The following GFRA2 variants were observed in gnomAD, a reference collection of about 807,000 sequenced individuals.
GFRA2 encodes GDNF family receptor alpha-2.
In GFRA2, 17 loss-of-function variants were observed where a neutral mutation model predicts 48.3. That is an observed-to-expected ratio of 0.35 (90% CI 0.24 to 0.53). GFRA2 has a LOEUF of 0.53. Among genes scored for constraint, GFRA2 ranks in the 20% least tolerant of loss-of-function variants. The pLI is 0.93. For synonymous variants in GFRA2, 305 were observed against 257.2 expected (o/e 1.19, Z -1.78); for missense variants, 660 against 637.3 (o/e 1.04, Z -0.38).
intron 7 of GFRA2, among the ~76,000 whole-genome samples, chr8:21,697,257 AG>A (rs2117329866): frequency 1.9e-5 from 2 of 105,584 alleles, no homozygotes; most frequent in African/African-American, 3.7e-5. Context: ...GAAAGATAGC[AG>A]GAGGGGAGGG....
chr8:21,710,050 G>A (rs1282260529), intron 4 of GFRA2, among the ~76,000 whole-genome samples: 2 of 152,160 alleles, frequency 1.3e-5, no homozygotes, highest in African/African-American at 4.8e-5. Flanking sequence ...CTGGCCAGAG[G>A]GACTCCTCAG....
chr8:21,766,664 G>A (rs1028008225), intron 3 of GFRA2, among the ~76,000 whole-genome samples: 24 of 147,338 alleles, frequency 1.6e-4, no homozygotes, highest in African/African-American at 5.5e-4. Context: ...CCCCTAAGAG[G>A]ATGAACAGGG....
At chr8:21,765,659 C>A (rs899890048) in intron 3 of GFRA2, among the ~76,000 whole-genome samples, 3 of 152,128 alleles carry the variant, frequency 2.0e-5, no homozygotes, top group Non-Finnish European at 4.4e-5. Flanking sequence ...CCCCAGAATT[C>A]CAGGCCTACA....
At chr8:21,708,021 C>G (rs1048180966) in intron 4 of GFRA2, among the ~76,000 whole-genome samples, 3 of 152,346 alleles carry the variant, frequency 2.0e-5, no homozygotes, top group East Asian at 1.9e-4. Context: ...CCCCCAAGAT[C>G]ACAGAGTCAC....
chr8:21,747,756 C>CA (rs1805078485), intron 4 of GFRA2, among the ~76,000 whole-genome samples: 7 of 139,062 alleles, frequency 5.0e-5, no homozygotes, highest in African/African-American at 1.4e-4. Context: ...CCATCTTCCA[C>CA]CACACACACA....
intron 3 of GFRA2, among the ~76,000 whole-genome samples, chr8:21,761,781 C>A (rs1242162807): frequency 6.6e-6 from 1 of 152,062 alleles, no homozygotes; most frequent in Non-Finnish European, 1.5e-5. Context: ...GAAACCCCAT[C>A]TCTACTAAAG....
chr8:21,780,334 T>C (rs199747207), intron 2 of GFRA2, among the ~76,000 whole-genome samples: 2,386 of 152,202 alleles, frequency 0.016, 57 homozygotes, highest in African/African-American at 0.051. Flanking sequence ...AGCCTCAGCT[T>C]ACCCTAAGGC....
At chr8:21,799,837 C>G (rs1807741091) in intron 2 of GFRA2, among the ~76,000 whole-genome samples, 1 of 152,180 alleles carries the variant, frequency 6.6e-6, no homozygotes, top group Non-Finnish European at 1.5e-5. Flanking sequence ...AACAAGAAGC[C>G]TGTGTCCTCT....
In GFRA2 at chr8:21,750,807, G is replaced by A; in HGVS notation, c.575C>T (p.Thr192Ile). The A allele has an allele frequency of 6.2e-7, 1 of 1,614,032 alleles. No homozygotes were observed. Among genetic ancestry groups the A allele is most frequent in the South Asian group, 1.1e-5 (1 of 91,088 alleles). The change falls in exon 4 of 9, where the codon ACC (threonine) becomes ATC (isoleucine). Residue 192 changes from threonine to isoleucine, a missense_variant. Coordinates refer to ENST00000524240, the MANE Select transcript of GFRA2 (RefSeq NM_001495.5). The surrounding 1 kb of genome is among the most constrained non-coding windows in gnomAD (Gnocchi z 5.7). ...ISICNREISP[T>I]ERCNRRKCHK... ...GCACTTGCGGCGGTTGCAGCGCTCG[G>A]TGGGCGAGATCTCGCGGTTGCAGAT...
chr8:21,703,540 C>T (rs527935885), intron 6 of GFRA2, among the ~76,000 whole-genome samples: 2 of 152,334 alleles, frequency 1.3e-5, no homozygotes, highest in Admixed American at 1.3e-4. Flanking sequence ...CCACGAGCCA[C>T]ACACATCTCA....
chr8:21,786,070 A>G (rs894454792), intron 1 of GFRA2, among the ~76,000 whole-genome samples: 103 of 152,296 alleles, frequency 6.8e-4, no homozygotes, highest in African/African-American at 2.4e-3. Context: ...TTCTCGAGGG[A>G]AGGAAACTGA....
chr8:21,797,245 G>A (rs1269027458), intron 2 of GFRA2, among the ~76,000 whole-genome samples: 2 of 150,502 alleles, frequency 1.3e-5, no homozygotes, highest in Middle Eastern at 3.2e-3. Context: ...AGATAACGCG[G>A]ACAATTGAGT....
intron 4 of GFRA2, among the ~76,000 whole-genome samples, chr8:21,738,547 T>C (rs991506390): frequency 5.3e-5 from 8 of 152,162 alleles, no homozygotes; most frequent in Admixed American, 3.9e-4. Context: ...CTTAAAATAC[T>C]TCATGGCTCC....
At chr8:21,699,039 C>A (rs953490394) in intron 7 of GFRA2, among the ~76,000 whole-genome samples, 1 of 152,234 alleles carries the variant, frequency 6.6e-6, no homozygotes, top group Non-Finnish European at 1.5e-5. Flanking sequence ...GCAGCAGGTG[C>A]ACCAATCACC....
At chr8:21,745,909 T>C (rs755266820) in intron 4 of GFRA2, among the ~76,000 whole-genome samples, 4 of 152,168 alleles carry the variant, frequency 2.6e-5, no homozygotes, top group African/African-American at 4.8e-5. Context: ...GGCTGAGTCA[T>C]TTCCCCTTAT....
At chr8:21,781,513 G>A (rs1806983804) in intron 2 of GFRA2, among the ~76,000 whole-genome samples, 1 of 152,072 alleles carries the variant, frequency 6.6e-6, no homozygotes, top group African/African-American at 2.4e-5. Context: ...CCCCAGCTTG[G>A]AGCCTGTCTC....
At chr8:21,805,171 C>T (rs1807837125) in intron 1 of GFRA2, 1 of 152,190 alleles carries the variant, frequency 6.6e-6, no homozygotes, top group Non-Finnish European at 1.5e-5. Context: ...AAAAAGAAAT[C>T]ACAATGAAGT....
rs551600623 is a variant in GFRA2, at chr8:21,692,837, C to T, written c.*441G>A. The T allele has an allele frequency of 1.3e-5, 2 of 153,266 alleles. No homozygotes were observed. Among genetic ancestry groups the T allele is most frequent in the African/African-American group, 4.8e-5 (2 of 41,512 alleles). The allele number at this position is 153,266 out of a possible 1,614,324, so 9.5% of individuals were successfully genotyped here. ...CCCCGCTGCCCCGCTGACCGATGCC[C>T]TCTGCCAGCCCCCAGCGGGTCCCCA... On this transcript the variant is annotated 3_prime_UTR_variant, in exon 9 of 9. Coordinates refer to ENST00000524240, the MANE Select transcript of GFRA2 (RefSeq NM_001495.5).
At chr8:21,756,177 C>T (rs935046870) in intron 3 of GFRA2, among the ~76,000 whole-genome samples, 2 of 152,212 alleles carry the variant, frequency 1.3e-5, no homozygotes, top group African/African-American at 4.8e-5. Context: ...TCAGCAGGTT[C>T]CTGAGCTAGT....
Sources: allele counts gnomAD v4.1 joint callset (sites outside exome capture counted in the v4.1 genomes callset), GRCh38; gene constraint gnomAD v4.1.1; non-coding constraint Gnocchi (gnomAD v3.1); transcripts MANE v1.5; gene names NCBI Gene and HGNC (gene_info 2026-07-23, HGNC 2026-07-21).